Variants in KDM1B observed in about 807,000 individuals in gnomAD.
KDM1B encodes lysine demethylase 1B.
Under a neutral mutation model 107.4 loss-of-function variants are expected in KDM1B, and 63 were observed. The observed-to-expected ratio is 0.59, with a 90% CI of 0.48 to 0.72. The LOEUF is 0.72. Among genes scored for constraint, KDM1B ranks in the 30% least tolerant of loss-of-function variants. KDM1B has a pLI of 0.00. For missense variants in KDM1B, 749 were observed against 1,020.8 expected (o/e 0.73, Z 3.63); for synonymous variants, 363 against 363.9 (o/e 1.00, Z 0.03).
Position 18,191,396 on chromosome 6 carries a change from G to T in KDM1B, c.969+15G>T. 1 of 1,548,866 alleles carries T rather than the reference G, an allele frequency of 6.5e-7. No individual in the cohort carries two copies. Among genetic ancestry groups the T allele is most frequent in the South Asian group, 1.2e-5 (1 of 83,964 alleles). ...CTAACTGCAAAGTAAGTAAGGGCAT[G>T]TTAGCCAATAGCACTGGACAGAGGA... On this transcript the variant is annotated intron_variant, in intron 10 of 21. Transcript: ENST00000650836. The surrounding 1 kb of genome is among the most constrained non-coding windows in gnomAD (Gnocchi z 5.1).
intron 5 of KDM1B, among the ~76,000 whole-genome samples, chr6:18,164,681 A>G (rs1785178847): frequency 1.3e-5 from 2 of 151,754 alleles, no homozygotes. Context: ...CTTTTGAGAC[A>G]GGGTCTTGCT....
chr6:18,203,693 T>A lies in KDM1B; in HGVS notation c.1532-1844T>A, dbSNP rs532278707. 1.6e-4 allele frequency among the ~76,000 whole-genome samples: 25 copies of A among 151,782 alleles called. No individual in the cohort carries two copies. The highest frequency in any genetic ancestry group is 4.2e-4 in the South Asian group (2 of 4,802). ...CATGGTGAAACCCTGTCTCTACTAATAATACAAAAATTAGTCGAGCATGGT... is the reference window on the plus strand; with the variant it reads ...CATGGTGAAACCCTGTCTCTACTAAAAATACAAAAATTAGTCGAGCATGGT... On this transcript the variant is annotated intron_variant, in intron 14 of 21. Transcript: ENST00000650836. This position sits in a 1 kb window ranked among gnomAD's most constrained non-coding sequence, Gnocchi z 5.5.
At chr6:18,180,597 G>C (rs939596436) in intron 7 of KDM1B, among the ~76,000 whole-genome samples, 15 of 152,190 alleles carry the variant, frequency 9.9e-5, no homozygotes, top group African/African-American at 3.4e-4. Context: ...AAGGAGTCTT[G>C]TTCTATTGCC....
chr6:18,178,824 C>T (rs1042567017), intron 7 of KDM1B, among the ~76,000 whole-genome samples: 4 of 152,198 alleles, frequency 2.6e-5, no homozygotes, highest in African/African-American at 9.6e-5. Flanking sequence ...AGATCTTTTT[C>T]ATAGATTCCT....
chr6:18,187,489 G>A (rs1786947653), intron 8 of KDM1B, among the ~76,000 whole-genome samples: 1 of 152,078 alleles, frequency 6.6e-6, no homozygotes, highest in African/African-American at 2.4e-5. Context: ...TCTAGTAAAT[G>A]GGCACAGCTT....
chr6:18,215,932 A>G (rs767291976), intron 20 of KDM1B, among the ~76,000 whole-genome samples: 2 of 152,164 alleles, frequency 1.3e-5, no homozygotes, highest in African/African-American at 2.4e-5. Context: ...TTGCCAGTGT[A>G]CTAAATCTCA....
intron 4 of KDM1B, 27 bp downstream of exon 4, chr6:18,161,481 C>T: frequency 6.2e-7 from 1 of 1,609,342 alleles, no homozygotes; most frequent in Non-Finnish European, 8.5e-7. Flanking sequence ...GTCTTGGCCT[C>T]CCATTTCTGC....
At position 18,166,366 on chromosome 6, in the gene KDM1B, A is replaced by C. The variant is rs530604122; in HGVS notation, c.405A>C (p.Gln135His). The C allele has an allele frequency of 6.2e-7, 1 of 1,601,104 alleles. No homozygotes were observed. The highest frequency in any genetic ancestry group is 1.3e-5 in the African/African-American group (1 of 74,794). Residue 135 changes from glutamine (Q) to histidine (H), a missense_variant, in exon 6 of 22, where the codon CAA (glutamine) becomes CAC (histidine). Coordinates refer to ENST00000650836, the MANE Select transcript of KDM1B (RefSeq NM_001364614.2). ...CCAAAGCTTTCATGGCAGACCAGCA[A>C]CTCCCCTACTGGGTAAGGAGAGTGA... ...PSPKAFMADQ[Q>H]LPYWVQCTKP...
Position 18,214,965 on chromosome 6 carries a change from T to C in KDM1B, c.2110-42T>C, listed in dbSNP as rs758471151. On this transcript the variant is annotated intron_variant, in intron 19 of 21. Coordinates refer to ENST00000650836, the MANE Select transcript of KDM1B (RefSeq NM_001364614.2). The surrounding 1 kb of genome is among the most constrained non-coding windows in gnomAD (Gnocchi z 4.4). ...AAAAGAGGCCCTTATCTGTGGGAGCTGAGCACTCACAGACCTCCTGCTTTT... is the reference window on the plus strand; with the variant it reads ...AAAAGAGGCCCTTATCTGTGGGAGCCGAGCACTCACAGACCTCCTGCTTTT... 2.1e-5 allele frequency: 33 copies of C among 1,600,950 alleles called. No homozygotes were observed. The Admixed American group carries it at 5.6e-4, about 27-fold the overall frequency.
At position 18,155,496 on chromosome 6, in the gene KDM1B, C is replaced by G. The variant is rs1391566162; in HGVS notation, c.-133C>G. On this transcript the variant is annotated 5_prime_UTR_variant, in exon 1 of 22. Coordinates refer to ENST00000650836, the MANE Select transcript of KDM1B (RefSeq NM_001364614.2). The surrounding 1 kb of genome is among the most constrained non-coding windows in gnomAD (Gnocchi z 6.2). ...GGCTCGCGGCGCGGCTGCAGCCGTC[C>G]TGTGCGCGCGGCGCGCGGCTCCGGA... is the stretch of plus-strand genomic sequence containing the variant. The G allele has an allele frequency of 2.0e-5, 3 of 153,698 alleles. No individual in the cohort carries two copies. The highest frequency in any genetic ancestry group is 7.2e-5 in the African/African-American group (3 of 41,392). 9.5% of individuals were successfully genotyped at this position (153,698 alleles called of 1,614,324 possible).
In KDM1B at chr6:18,186,630, A is replaced by G. The variant is rs1198963155; in HGVS notation, c.573+820A>G. Among the ~76,000 whole-genome samples, 1 of 152,148 alleles carries G rather than the reference A, an allele frequency of 6.6e-6. No individual in the cohort carries two copies. ...TTGCTATAAAGAACTGCCTGAGACT[A>G]GGTAATTTATGAAGGAAAGAGGGTT... is the stretch of plus-strand genomic sequence containing the variant. On this transcript the variant is annotated intron_variant, in intron 8 of 21. Transcript: ENST00000650836. The surrounding 1 kb of genome is among the most constrained non-coding windows in gnomAD (Gnocchi z 5.6).
At chr6:18,182,016 T>C (rs959907897) in intron 7 of KDM1B, among the ~76,000 whole-genome samples, 2 of 152,220 alleles carry the variant, frequency 1.3e-5, no homozygotes, top group East Asian at 1.9e-4. Context: ...TACTGCTCTC[T>C]GTAATTTCTT....
chr6:18,205,532 T>A lies in KDM1B; in HGVS notation c.1532-5T>A. ...TTTTTCTGCTTTGATCCATTCCCAT[T>A]ACAGAAAAGATAGAAGAAATCTACA... On this transcript the variant is annotated splice_region_variant and splice_polypyrimidine_tract_variant and intron_variant, in intron 14 of 21. Transcript: ENST00000650836. The surrounding 1 kb of genome is among the most constrained non-coding windows in gnomAD (Gnocchi z 5.7). 1 of 1,547,256 alleles carries A rather than the reference T, an allele frequency of 6.5e-7. No individual in the cohort carries two copies. The highest frequency in any genetic ancestry group is 8.7e-7 in the Non-Finnish European group (1 of 1,145,154).
intron 7 of KDM1B, among the ~76,000 whole-genome samples, chr6:18,184,322 T>C (rs555530641): frequency 6.4e-4 from 92 of 142,788 alleles, no homozygotes; most frequent in African/African-American, 2.3e-3. Flanking sequence ...TCGCCCAGGC[T>C]GGAGTTCAGT....
At chr6:18,188,098 G>GTGCA (rs1786997507) in intron 9 of KDM1B, 96 bp downstream of exon 9, 3 of 1,143,832 alleles carry the variant, frequency 2.6e-6, no homozygotes, top group Non-Finnish European at 3.8e-6. Context: ...TTTTTTAAAT[G>GTGCA]TGCAGGCTGG....
chr6:18,178,689 C>A (rs1202726060), intron 7 of KDM1B, among the ~76,000 whole-genome samples: 1 of 152,192 alleles, frequency 6.6e-6, no homozygotes, highest in Middle Eastern at 3.2e-3. Flanking sequence ...CTGCACCCAG[C>A]CAATAAAATT....
intron 7 of KDM1B, among the ~76,000 whole-genome samples, chr6:18,176,935 C>T (rs545440160): frequency 9.2e-5 from 14 of 152,198 alleles, no homozygotes; most frequent in South Asian, 4.1e-4. Flanking sequence ...CTGTAGTTTT[C>T]GTTTTTGGTT....
Position 18,200,678 on chromosome 6 carries a change from C to G in KDM1B, c.1359+102C>G, listed in dbSNP as rs111709416. On this transcript the variant is annotated intron_variant, in intron 13 of 21. Transcript: ENST00000650836. The surrounding 1 kb of genome is among the most constrained non-coding windows in gnomAD (Gnocchi z 4.3). ...TGCTTCTAAAGTAAATTACATATAA[C>G]AGCCCCCTCATCTCCTATGCAAAGC... is the stretch of plus-strand genomic sequence containing the variant. 732 of 990,106 alleles carry G rather than the reference C, an allele frequency of 7.4e-4. 6 individuals are homozygous for G. The African/African-American group carries it at 0.01, about 14-fold the overall frequency. 61.3% of individuals were successfully genotyped at this position (990,106 alleles called of 1,614,324 possible).
chr6:18,201,428 C>T lies in KDM1B; in HGVS notation c.1360-58C>T, dbSNP rs984127639. The T allele has an allele frequency of 3.9e-6, 5 of 1,268,908 alleles. No individual in the cohort carries two copies. The highest frequency in any genetic ancestry group is 5.5e-6 in the Non-Finnish European group (5 of 915,262). The allele number at this position is 1,268,908 out of a possible 1,614,324, so 78.6% of individuals were successfully genotyped here. A position where few individuals can be genotyped will look rare whatever the true frequency, so the allele number is the denominator to read the frequency against. Reference sequence around the variant, plus strand: ...GCTCTGTCTGATTTTCAGCTTAGAACCTGTAAATATTTTTTTCCAGGGAAA... The same window carrying T: ...GCTCTGTCTGATTTTCAGCTTAGAATCTGTAAATATTTTTTTCCAGGGAAA... On this transcript the variant is annotated intron_variant, in intron 13 of 21. Transcript: ENST00000650836. The surrounding 1 kb of genome is among the most constrained non-coding windows in gnomAD (Gnocchi z 4.3).
Sources: allele counts gnomAD v4.1 joint callset (sites outside exome capture counted in the v4.1 genomes callset), GRCh38; gene constraint gnomAD v4.1.1; non-coding constraint Gnocchi (gnomAD v3.1); transcripts MANE v1.5; gene names NCBI Gene and HGNC (gene_info 2026-07-23, HGNC 2026-07-21).